The following PMM2 variants were observed in gnomAD, a reference collection of about 807,000 sequenced individuals.
PMM2 encodes phosphomannomutase 2, also known as mannose-6-phosphate isomerase.
PMM2 carries 35 observed loss-of-function variants against 33.2 expected under a neutral mutation model. That is an observed-to-expected ratio of 1.06 (90% CI 0.81 to 1.40). The LOEUF (loss-of-function observed/expected upper bound fraction) is 1.40. PMM2 is among the 40% of genes most tolerant of loss of function. The pLI is 0.00. For synonymous variants in PMM2, 153 were observed against 114.7 expected, an observed-to-expected ratio of 1.33 and a Z score of -2.13; for missense variants, 386 against 306.0, an observed-to-expected ratio of 1.26 and a Z score of -1.95.
chr16:8,827,189 TTCTC>T (rs1314025529), intron 7 of PMM2, among the ~76,000 whole-genome samples: 1 of 152,076 alleles, frequency 6.6e-6, no homozygotes, highest in Non-Finnish European at 1.5e-5. Context: ...CTGTGGAGCC[TTCTC>T]TCTTTTTCCC....
intron 7 of PMM2, among the ~76,000 whole-genome samples, chr16:8,834,156 G>A (rs2060828766): frequency 6.6e-6 from 1 of 152,200 alleles, no homozygotes; most frequent in Non-Finnish European, 1.5e-5. Flanking sequence ...GGACAGGCCT[G>A]AATTCTGAGA....
At chr16:8,839,648 T>G (rs2141044641) in intron 7 of PMM2, among the ~76,000 whole-genome samples, 1 of 152,014 alleles carries the variant, frequency 6.6e-6, no homozygotes, top group East Asian at 1.9e-4. Context: ...TGCTAATGTT[T>G]TTAAGTTTGT....
chr16:8,802,236 G>C (rs540755065), intron 2 of PMM2: 2 of 457,104 alleles, frequency 4.4e-6, no homozygotes, highest in Admixed American at 4.7e-5. Context: ...CAGTCAGACC[G>C]GTCTTCATAT....
intron 3 of PMM2, among the ~76,000 whole-genome samples, chr16:8,805,105 T>C (rs1189406767): frequency 6.6e-6 from 1 of 152,158 alleles, no homozygotes; most frequent in Non-Finnish European, 1.5e-5. Flanking sequence ...AGGCTGGAGC[T>C]GGAGTGCAGC....
chr16:8,821,665 C>T (rs933818915), intron 7 of PMM2, among the ~76,000 whole-genome samples: 2 of 152,186 alleles, frequency 1.3e-5, no homozygotes, highest in Admixed American at 1.3e-4. Context: ...TCAGAGCCGT[C>T]AACAGACCCA....
intron 7 of PMM2, among the ~76,000 whole-genome samples, chr16:8,831,945 C>T (rs1334406339): frequency 6.6e-6 from 1 of 152,132 alleles, no homozygotes; most frequent in Non-Finnish European, 1.5e-5. Context: ...CTCCAGGGAA[C>T]AGGGTTTTTG....
chr16:8,839,086 G>C (rs1195065299), intron 7 of PMM2, among the ~76,000 whole-genome samples: 1 of 151,956 alleles, frequency 6.6e-6, no homozygotes, highest in African/African-American at 2.4e-5. Context: ...TGCTATTCCA[G>C]TACCGAGAGC....
intron 2 of PMM2, among the ~76,000 whole-genome samples, chr16:8,804,215 T>A (rs1449472169): frequency 6.6e-6 from 1 of 151,502 alleles, no homozygotes; most frequent in Non-Finnish European, 1.5e-5. Flanking sequence ...ATTTTTTGTA[T>A]TTTTAGTAGA....
At chr16:8,828,555 G>A (rs2141035417) in intron 7 of PMM2, among the ~76,000 whole-genome samples, 1 of 152,194 alleles carries the variant, frequency 6.6e-6, no homozygotes, top group East Asian at 1.9e-4. Context: ...CTACCGACAT[G>A]AACCCAAAAA....
At chr16:8,832,474 G>A (rs2060816483) in intron 7 of PMM2, 16 of 985,304 alleles carry the variant, frequency 1.6e-5, no homozygotes, top group African/African-American at 7.0e-5. Context: ...GCAGGACCAC[G>A]GGAGGAGACT....
intron 2 of PMM2, among the ~76,000 whole-genome samples, chr16:8,804,185 C>T (rs1011763146): frequency 1.3e-5 from 2 of 151,326 alleles, no homozygotes; most frequent in African/African-American, 2.4e-5. Context: ...GTTACAGGCG[C>T]ACACCACCAT....
chr16:8,816,840 C>A (rs970121306), intron 7 of PMM2, among the ~76,000 whole-genome samples: 2 of 152,200 alleles, frequency 1.3e-5, no homozygotes, highest in Admixed American at 1.3e-4. Context: ...TGGAAAACTA[C>A]ATAGTGGTTC....
intron 3 of PMM2, 136 bp from the exon 4 acceptor site, chr16:8,806,180 G>C: frequency 1.4e-6 from 1 of 709,908 alleles, no homozygotes; most frequent in Non-Finnish European, 2.6e-6. Context: ...TAAACAGACA[G>C]TGGGGCATGT....
chr16:8,806,448 C>T (rs2060648637), intron 4 of PMM2, 41 bp downstream of exon 4: 8 of 1,191,770 alleles, frequency 6.7e-6, no homozygotes, highest in African/African-American at 4.5e-5. Flanking sequence ...AGGAACATAG[C>T]GTAGTGTCAC....
At chr16:8,827,177 G>C (rs1257817163) in intron 7 of PMM2, among the ~76,000 whole-genome samples, 1 of 151,990 alleles carries the variant, frequency 6.6e-6, no homozygotes, top group African/African-American at 2.4e-5. Flanking sequence ...CCAAAACAGG[G>C]TCTGTGGAGC....
intron 7 of PMM2, among the ~76,000 whole-genome samples, chr16:8,834,870 A>C (rs1280633245): frequency 6.6e-6 from 1 of 152,142 alleles, no homozygotes; most frequent in African/African-American, 2.4e-5. Context: ...AGATACAGTC[A>C]TGGGGGTCAG....
At chr16:8,808,362 AG>A (rs2141021138) in intron 4 of PMM2, 1 of 151,972 alleles carries the variant, frequency 6.6e-6, no homozygotes, top group Admixed American at 6.5e-5. Context: ...CTGAGCACTA[AG>A]GGAGGATTTA....
At chr16:8,847,340 G>A (rs1019125886) in intron 7 of PMM2, among the ~76,000 whole-genome samples, 13 of 146,424 alleles carry the variant, frequency 8.9e-5, no homozygotes, top group African/African-American at 3.1e-4. Flanking sequence ...CCCTCCTGAC[G>A]CTCCCTTGTG....
At chr16:8,832,115 T>C in intron 7 of PMM2, 1 of 984,980 alleles carries the variant, frequency 1.0e-6, no homozygotes, top group Non-Finnish European at 1.2e-6. Context: ...TTCACTTGCT[T>C]TGCAGCTACT....
Sources: allele counts gnomAD v4.1 joint callset (sites outside exome capture counted in the v4.1 genomes callset), GRCh38; gene constraint gnomAD v4.1.1; transcripts MANE v1.5; gene names NCBI Gene and HGNC (gene_info 2026-07-23, HGNC 2026-07-21).